Variants in CTIF observed in about 807,000 individuals in gnomAD.
The protein encoded by CTIF is cap binding complex dependent translation initiation factor.
A neutral mutation model predicts 66.0 loss-of-function variants in CTIF; 21 were observed. The observed-to-expected ratio is 0.32, with a 90% CI of 0.23 to 0.46. The LOEUF (loss-of-function observed/expected upper bound fraction) is 0.46. CTIF is among the 20% of genes least tolerant of loss of function. The probability of loss-of-function intolerance (pLI) is 1.00; values close to 1 mark genes in which losing one functional copy is unlikely to be tolerated. For synonymous variants in CTIF, 345 were observed against 326.4 expected (o/e 1.06, Z -0.62); for missense variants, 739 against 812.7 (o/e 0.91, Z 1.10).
At chr18:48,620,609 C>A (rs1009744635) in intron 2 of CTIF, among the ~76,000 whole-genome samples, 46 of 152,270 alleles carry the variant, frequency 3.0e-4, no homozygotes, top group Non-Finnish European at 6.0e-4. Context: ...AGGTCAAAGA[C>A]AGTAAGAAGT....
At chr18:48,693,298 G>C (rs2091959501) in intron 6 of CTIF, among the ~76,000 whole-genome samples, 1 of 152,160 alleles carries the variant, frequency 6.6e-6, no homozygotes, top group Non-Finnish European at 1.5e-5. Flanking sequence ...TACCTCTCTG[G>C]CCTGCTTGTT....
At chr18:48,808,289 C>T (rs958567600) in intron 9 of CTIF, among the ~76,000 whole-genome samples, 10 of 152,062 alleles carry the variant, frequency 6.6e-5, no homozygotes, top group African/African-American at 2.4e-4. Flanking sequence ...CTCTTAATGC[C>T]CTTTCCCCAT....
At chr18:48,811,945 G>T (rs2068265867) in intron 9 of CTIF, among the ~76,000 whole-genome samples, 1 of 152,092 alleles carries the variant, frequency 6.6e-6, no homozygotes, top group South Asian at 2.1e-4. Context: ...TTCTGTTTTT[G>T]ATTTTTCGAA....
intron 9 of CTIF, among the ~76,000 whole-genome samples, chr18:48,788,410 C>T (rs74594200): frequency 0.011 from 1,726 of 152,256 alleles, 30 homozygotes; most frequent in African/African-American, 0.04. Context: ...CTGTCTCTTC[C>T]TCCCTAGCCT....
intron 7 of CTIF, among the ~76,000 whole-genome samples, chr18:48,757,594 G>C (rs1332168124): frequency 2.6e-5 from 4 of 152,182 alleles, no homozygotes; most frequent in African/African-American, 4.8e-5. Context: ...GAGGCAGGAG[G>C]GTTCACTGTT....
chr18:48,753,565 C>T (rs754564958), intron 7 of CTIF, among the ~76,000 whole-genome samples: 1 of 151,258 alleles, frequency 6.6e-6, no homozygotes, highest in African/African-American at 2.4e-5. Flanking sequence ...ACTAAATGAA[C>T]GATGGAAAAA....
At chr18:48,647,742 C>T (rs1295207311) in intron 3 of CTIF, among the ~76,000 whole-genome samples, 1 of 152,182 alleles carries the variant, frequency 6.6e-6, no homozygotes, top group Non-Finnish European at 1.5e-5. Flanking sequence ...GGGAGGAGCC[C>T]TGCCTGCTTT....
intron 6 of CTIF, among the ~76,000 whole-genome samples, chr18:48,690,999 C>T (rs760900949): frequency 7.9e-5 from 12 of 152,156 alleles, no homozygotes; most frequent in African/African-American, 1.7e-4. Context: ...CCACTCACCA[C>T]GAGCATGGTG....
intron 9 of CTIF, among the ~76,000 whole-genome samples, chr18:48,777,453 C>A (rs1466446687): frequency 6.6e-6 from 1 of 152,210 alleles, no homozygotes; most frequent in African/African-American, 2.4e-5. Flanking sequence ...TGGACTAGAA[C>A]CCACAGCAAG....
Position 48,847,260 on chromosome 18 carries a change from A to G in CTIF, c.1528-10328A>G, listed in dbSNP as rs1240340501. ...GAAGCAGAGGTTGCAGTGAGCCGAG[A>G]TCACGCTACTGCATTCCAGCCTGGT... On this transcript the variant is annotated intron_variant, in intron 10 of 11. Transcript: ENST00000256413. Among the ~76,000 whole-genome samples, 3 of 150,636 alleles carry G rather than the reference A, an allele frequency of 2.0e-5. No individual in the cohort carries two copies. The Admixed American group carries it at 2.0e-4, about 10-fold the overall frequency.
At chr18:48,851,651 C>T (rs367636749) in intron 10 of CTIF, among the ~76,000 whole-genome samples, 4 of 152,122 alleles carry the variant, frequency 2.6e-5, no homozygotes, top group African/African-American at 7.2e-5. Context: ...GGGCCCCAGG[C>T]GCACTTCCCT....
rs553318435 is a variant in CTIF at position 48,837,805 on chromosome 18, TC to T, written c.1528-19780del. Among the ~76,000 whole-genome samples, 352 of 152,140 alleles carry T rather than the reference TC, an allele frequency of 2.3e-3. 2 individuals are homozygous for T. Among genetic ancestry groups the T allele is most frequent in the African/African-American group, 8.1e-3 (336 of 41,494 alleles). ...GGCTGGGAACTACCCACTGGATGCA[TC>T]CCTCTCCCTGCTCCCAGATGCCCTG... On this transcript the variant is annotated intron_variant, in intron 10 of 11. Coordinates refer to ENST00000256413, the MANE Select transcript of CTIF (RefSeq NM_014772.3).
intron 9 of CTIF, among the ~76,000 whole-genome samples, chr18:48,792,519 T>C (rs986085003): frequency 2.0e-5 from 3 of 152,082 alleles, no homozygotes; most frequent in Non-Finnish European, 4.4e-5. Flanking sequence ...GCCTGGAGCC[T>C]TTAGGGGGAC....
At chr18:48,702,063 A>T (rs933014872) in intron 6 of CTIF, among the ~76,000 whole-genome samples, 1 of 152,226 alleles carries the variant, frequency 6.6e-6, no homozygotes, top group Admixed American at 6.5e-5. Flanking sequence ...CTCATTTTAC[A>T]CAAGAGAGAG....
At chr18:48,736,371 G>A (rs139863631) in intron 7 of CTIF, among the ~76,000 whole-genome samples, 1,599 of 152,270 alleles carry the variant, frequency 0.011, 16 homozygotes, top group Non-Finnish European at 0.018. Context: ...CATGTCTCTG[G>A]GGTTTGGGGT....
At chr18:48,587,180 C>T (rs531840801) in intron 1 of CTIF, among the ~76,000 whole-genome samples, 2 of 151,194 alleles carry the variant, frequency 1.3e-5, no homozygotes, top group East Asian at 2.0e-4. Context: ...CTCTCAGGTT[C>T]AGGCGATTCT....
intron 6 of CTIF, among the ~76,000 whole-genome samples, chr18:48,702,856 C>T (rs928789853): frequency 3.9e-5 from 6 of 151,920 alleles, no homozygotes; most frequent in East Asian, 1.9e-4. Flanking sequence ...TCTGCTTGGA[C>T]GTGACCCACA....
intron 9 of CTIF, among the ~76,000 whole-genome samples, chr18:48,811,819 G>A (rs2068263942): frequency 6.6e-6 from 1 of 152,188 alleles, no homozygotes; most frequent in African/African-American, 2.4e-5. Context: ...GTGGGTGGAT[G>A]CCTGGGTTGC....
chr18:48,618,795 G>A (rs2090441298), intron 1 of CTIF, among the ~76,000 whole-genome samples: 1 of 152,272 alleles, frequency 6.6e-6, no homozygotes, highest in Non-Finnish European at 1.5e-5. Flanking sequence ...CTGCCCCAGA[G>A]AGAGGGTGCG....
Sources: gnomAD v4.1 joint callset for allele counts (sites outside exome capture counted in the v4.1 genomes callset) on GRCh38, gnomAD v4.1.1 for gene constraint, MANE v1.5 for transcripts, NCBI Gene and HGNC (gene_info 2026-07-23, HGNC 2026-07-21) for gene names.